PRADC1: variants seen among roughly 807,000 people sequenced by gnomAD.
PRADC1 encodes protease-associated domain-containing protein 1.
In PRADC1, 23 loss-of-function variants were observed where a neutral mutation model predicts 22.9. That is an observed-to-expected ratio of 1.00 (90% confidence interval 0.72 to 1.42). The LOEUF is 1.42. PRADC1 is among the 40% of genes most tolerant of loss of function. The pLI is 0.00. For synonymous variants in PRADC1, 71 were observed against 100.3 expected, an observed-to-expected ratio of 0.71 and a Z score of 1.75; for missense variants, 207 against 258.3, an observed-to-expected ratio of 0.80 and a Z score of 1.36.
At chr2:73,232,389 T>C (rs1686671133) in intron 1 of PRADC1, among the ~76,000 whole-genome samples, 1 of 151,802 alleles carries the variant, frequency 6.6e-6, no homozygotes, top group African/African-American at 2.4e-5. Context: ...TGTTAGTCTA[T>C]CAACAAACTA....
At chr2:73,232,947 C>T (rs1686690886) in intron 1 of PRADC1, 147 bp downstream of exon 1, 1 of 822,068 alleles carries the variant, frequency 1.2e-6, no homozygotes. Flanking sequence ...TGGACCACCA[C>T]CCACTTATTC....
Position 73,228,902 on chromosome 2 carries a change from G to T in PRADC1, c.339C>A (p.Ile113=), listed in dbSNP as rs147059482. Residue 113 remains isoleucine, a synonymous_variant, in exon 4 of 5, where the codon ATC becomes ATA. Coordinates refer to ENST00000258083, the MANE Select transcript of PRADC1 (RefSeq NM_032319.3). This position sits in a 1 kb window ranked among gnomAD's most constrained non-coding sequence, Gnocchi z 4.0. The stretch of plus-strand genomic sequence containing the variant: ...CATTGTCAACTGCGTTGTCAGAGAT[G>T]ATCACCGCCCGCCCGCCGTGCTCCT... ...VVQEHGGRAV[I]ISDNAVDNDS... is the part of the protein sequence containing the mutation. The T allele has an allele frequency of 2.7e-4, 430 of 1,613,648 alleles. No individual in the cohort carries two copies. Among genetic ancestry groups the T allele is most frequent in the Non-Finnish European group, 3.4e-4 (401 of 1,179,930 alleles).
intron 3 of PRADC1, 102 bp downstream of exon 3, chr2:73,229,359 A>G: frequency 1.2e-6 from 1 of 855,260 alleles, no homozygotes; most frequent in Non-Finnish European, 2.0e-6. Flanking sequence ...GCTTAAAAAG[A>G]TGAAATTTTC....
At chr2:73,233,246 T>C, upstream of PRADC1, 2 of 914,386 alleles carry the variant, frequency 2.2e-6, no homozygotes, top group Non-Finnish European at 3.0e-6. Context: ...TGACAGCTGC[T>C]CCGGCCTCCC....
intron 2 of PRADC1, 115 bp downstream of exon 2, chr2:73,229,998 C>A: frequency 1.4e-6 from 1 of 729,776 alleles, no homozygotes; most frequent in Non-Finnish European, 2.4e-6. Context: ...GAAGGCAGAG[C>A]TGATTCTGCT....
At chr2:73,233,052 C>T in intron 1 of PRADC1, 42 bp downstream of exon 1, 1 of 1,522,372 alleles carries the variant, frequency 6.6e-7, no homozygotes, top group South Asian at 1.2e-5. Context: ...AGCTGGACGG[C>T]CAGCCCCGCC....
chr2:73,231,582 A>G (rs62149565), intron 1 of PRADC1, among the ~76,000 whole-genome samples: 2 of 151,486 alleles, frequency 1.3e-5, no homozygotes. Flanking sequence ...ATGCCTGGCT[A>G]ATTTTTTTTT....
rs187281843 is a variant in PRADC1 at position 73,228,666 on chromosome 2, G to A, written c.447-92C>T. 9 of 1,598,804 alleles carry A rather than the reference G, an allele frequency of 5.6e-6. No homozygotes were observed. Among genetic ancestry groups the A allele is most frequent in the East Asian group, 2.2e-5 (1 of 44,566 alleles). On this transcript the variant is annotated intron_variant, in intron 4 of 4. Transcript: ENST00000258083. The surrounding 1 kb of genome is among the most constrained non-coding windows in gnomAD (Gnocchi z 4.0). ...CATCAATCTGGGAGTTCCAAAGCCC[G>A]AGATCTTTTTTTGCCCTCTAACTGA...
Position 73,228,953 on chromosome 2 carries a change from G to C in PRADC1, c.288C>G (p.Ser96=). 6.2e-7 allele frequency: 1 copy of C among 1,613,832 alleles called. No homozygotes were observed. Among genetic ancestry groups the C allele is most frequent in the South Asian group, 1.1e-5 (1 of 90,982 alleles). The change falls in exon 4 of 5, where the codon TCC becomes TCG. Residue 96 remains serine (S), a synonymous_variant. Transcript: ENST00000258083. This position sits in a 1 kb window ranked among gnomAD's most constrained non-coding sequence, Gnocchi z 4.0. ...QIALVERGGC[S]FLSKTRVVQE... ...GGACCACCCGAGTCTTGGAGAGGAA[G>C]GAGCAGCCCCTGGAAGAGGTGGTGA... is the stretch of plus-strand genomic sequence containing the variant.
At position 73,228,385 on chromosome 2, in the gene PRADC1, T is replaced by C; in HGVS notation, c.*69A>G. Reference sequence around the variant, plus strand: ...CCAGATGCTATCTCCAAATTCCAAGTAGCAAAATTCCTGGGTTTCCCCTTC... The same window carrying C: ...CCAGATGCTATCTCCAAATTCCAAGCAGCAAAATTCCTGGGTTTCCCCTTC... On this transcript the variant is annotated 3_prime_UTR_variant, in exon 5 of 5. Coordinates refer to ENST00000258083, the MANE Select transcript of PRADC1 (RefSeq NM_032319.3). The surrounding 1 kb of genome is among the most constrained non-coding windows in gnomAD (Gnocchi z 4.0). The C allele has an allele frequency of 1.3e-6, 2 of 1,593,534 alleles. No individual in the cohort carries two copies. Among genetic ancestry groups the C allele is most frequent in the South Asian group, 2.3e-5 (2 of 88,728 alleles).
At chr2:73,231,284 G>T (rs961230467) in intron 1 of PRADC1, among the ~76,000 whole-genome samples, 3 of 150,780 alleles carry the variant, frequency 2.0e-5, no homozygotes, top group Non-Finnish European at 4.4e-5. Context: ...CACGCCCGGA[G>T]AATTTTTTGT....
Position 73,233,217 on chromosome 2 carries a change from C to T in PRADC1, c.-57G>A. On this transcript the variant is annotated 5_prime_UTR_variant, in exon 1 of 5. Transcript: ENST00000258083. ...TTCCTCTCGCCGCCCCGCCGCGCGT[C>T]GCTCGCAGGACTTCAGCCTGACAGC... 2 of 1,181,870 alleles carry T rather than the reference C, an allele frequency of 1.7e-6. No homozygotes were observed. The highest frequency in any genetic ancestry group is 1.9e-5 in the South Asian group (1 of 53,848). 73.2% of individuals were successfully genotyped at this position (1,181,870 alleles called of 1,614,324 possible). A position where few individuals can be genotyped will look rare whatever the true frequency, so the allele number is the denominator to read the frequency against.
chr2:73,229,405 C>CT, intron 3 of PRADC1, 56 bp downstream of exon 3: 1 of 1,218,630 alleles, frequency 8.2e-7, no homozygotes, highest in Non-Finnish European at 1.2e-6. Flanking sequence ...TACCAATAAT[C>CT]TCAGAATCTG....
At chr2:73,229,614 C>G (rs757672346) in intron 2 of PRADC1, 44 bp from the exon 3 acceptor site, 1 of 1,460,370 alleles carries the variant, frequency 6.8e-7, no homozygotes, top group Non-Finnish European at 9.6e-7. Context: ...TGTAATGAGA[C>G]ACACCTGCTT....
chr2:73,233,199 C>A lies in PRADC1; in HGVS notation c.-39G>T, dbSNP rs534356923. 2.0e-5 allele frequency: 26 copies of A among 1,275,388 alleles called. No individual in the cohort carries two copies. Among genetic ancestry groups the A allele is most frequent in the Admixed American group, 4.0e-5 (1 of 25,140 alleles). The allele number at this position is 1,275,388 out of a possible 1,614,324, so 79.0% of individuals were successfully genotyped here. A position where few individuals can be genotyped will look rare whatever the true frequency, so the allele number is the denominator to read the frequency against. On this transcript the variant is annotated 5_prime_UTR_variant, in exon 1 of 5. Coordinates refer to ENST00000258083, the MANE Select transcript of PRADC1 (RefSeq NM_032319.3). ...CCCGGCCCGGCGCCGCGTTTCCTCT[C>A]GCCGCCCCGCCGCGCGTCGCTCGCA...
Position 73,228,805 on chromosome 2 carries a change from C to A in PRADC1, c.436G>T (p.Gly146Cys), listed in dbSNP as rs375821182. The A allele has an allele frequency of 1.9e-6, 3 of 1,611,690 alleles. No homozygotes were observed. Among genetic ancestry groups the A allele is most frequent in the East Asian group, 4.5e-5 (2 of 44,840 alleles). Reference protein sequence around the residue: ...TADIPALFLLGRDGYMIRRSL... With the variant: ...TADIPALFLLCRDGYMIRRSL... ...GCAAGGAGCCCTCACCCGTCTCGGCCGAGCAGGAAGAGGGCGGGGATGTCA... is the reference window on the plus strand; with the variant it reads ...GCAAGGAGCCCTCACCCGTCTCGGCAGAGCAGGAAGAGGGCGGGGATGTCA... The change falls in exon 4 of 5, where the codon GGC becomes TGC. Residue 146 changes from glycine (G) to cysteine (C), a missense_variant. By Grantham distance (159) the Gly-to-Cys change is radical. Transcript: ENST00000258083. This position sits in a 1 kb window ranked among gnomAD's most constrained non-coding sequence, Gnocchi z 4.0.
chr2:73,228,514 T>A lies in PRADC1; in HGVS notation c.507A>T (p.Pro169=). Residue 169 remains proline, a synonymous_variant, in exon 5 of 5, where the codon CCA becomes CCT. Transcript: ENST00000258083. The surrounding 1 kb of genome is among the most constrained non-coding windows in gnomAD (Gnocchi z 4.0). ...HGLPWAIISI[P]VNVTSIPTFE... ...AGGTGGGGATGCTGGTGACATTGAC[T>A]GGGATGGAAATGATGGCCCATGGCA... The A allele has an allele frequency of 6.2e-7, 1 of 1,614,188 alleles. No individual in the cohort carries two copies. Among genetic ancestry groups the A allele is most frequent in the Non-Finnish European group, 8.5e-7 (1 of 1,180,030 alleles).
chr2:73,232,345 AAAAAAG>A (rs1445020623), intron 1 of PRADC1, among the ~76,000 whole-genome samples: 19 of 152,186 alleles, frequency 1.2e-4, no homozygotes, highest in African/African-American at 4.6e-4. Flanking sequence ...TCAAAAAAAA[AAAAAAG>A]AAAAAAAGAA....
At position 73,230,544 on chromosome 2, in the gene PRADC1, A is replaced by C. The variant is rs184249341; in HGVS notation, c.68-331T>G. On this transcript the variant is annotated intron_variant, in intron 1 of 4. Transcript: ENST00000258083. ...GTAGAGATGTAGTGGCCTGCGTACA[A>C]AGCAATTCTCACTAAAATTTAAAAG... Among the ~76,000 whole-genome samples, 212 of 152,312 alleles carry C rather than the reference A, an allele frequency of 1.4e-3. 1 individual carries two copies. Among genetic ancestry groups the C allele is most frequent in the African/African-American group, 5.0e-3 (209 of 41,558 alleles).
Sources: gnomAD v4.1 joint callset for allele counts (sites outside exome capture counted in the v4.1 genomes callset) on GRCh38, gnomAD v4.1.1 for gene constraint, Gnocchi (gnomAD v3.1) non-coding constraint, MANE v1.5 for transcripts, NCBI Gene and HGNC (gene_info 2026-07-23, HGNC 2026-07-21) for gene names.